Variants in ZCCHC10 observed in about 807,000 individuals in gnomAD.
The protein encoded by ZCCHC10 is zinc finger CCHC-type containing 10, also known as zinc finger CCHC domain-containing protein 10.
ZCCHC10 carries 16 observed loss-of-function variants against 19.5 expected under a neutral mutation model. The observed-to-expected ratio is 0.82, with a 90% CI of 0.56 to 1.25. The LOEUF (loss-of-function observed/expected upper bound fraction) is 1.25. ZCCHC10 is among the 50% of genes most tolerant of loss of function. The pLI is 0.00. For synonymous variants in ZCCHC10, 67 were observed against 72.5 expected, an observed-to-expected ratio of 0.92 and a Z score of 0.38; for missense variants, 197 against 201.0, an observed-to-expected ratio of 0.98 and a Z score of 0.12.
At chr5:133,009,110 C>A (rs1581395763) in intron 2 of ZCCHC10, among the ~76,000 whole-genome samples, 1 of 151,952 alleles carries the variant, frequency 6.6e-6, no homozygotes, top group African/African-American at 2.4e-5. Context: ...TCAAGCAATT[C>A]TCCTGCCTCA....
intron 3 of ZCCHC10, among the ~76,000 whole-genome samples, chr5:133,002,542 G>C (rs1762841061): frequency 6.6e-6 from 1 of 151,952 alleles, no homozygotes; most frequent in South Asian, 2.1e-4. Context: ...CTTTAGGACA[G>C]GGGTCTTCAA....
At chr5:133,014,872 C>T (rs1763816137) in intron 2 of ZCCHC10, among the ~76,000 whole-genome samples, 1 of 152,186 alleles carries the variant, frequency 6.6e-6, no homozygotes, top group Non-Finnish European at 1.5e-5. Context: ...TACCAGGAGA[C>T]AGAGATCATC....
intron 2 of ZCCHC10, among the ~76,000 whole-genome samples, chr5:133,017,230 C>T (rs1763984357): frequency 6.6e-6 from 1 of 152,150 alleles, no homozygotes; most frequent in Non-Finnish European, 1.5e-5. Context: ...GCTCTCCTGA[C>T]CCCACATTCA....
At chr5:133,005,459 A>AAAAATAC (rs1763057503) in intron 3 of ZCCHC10, among the ~76,000 whole-genome samples, 1 of 151,972 alleles carries the variant, frequency 6.6e-6, no homozygotes, top group Non-Finnish European at 1.5e-5. Context: ...CCAAAAATAC[A>AAAAATAC]AAAAATTAGC....
At position 133,012,059 on chromosome 5, in the gene ZCCHC10, C is replaced by G. The variant is rs144610500; in HGVS notation, c.108-5139G>C. On this transcript the variant is annotated intron_variant, in intron 2 of 4. Coordinates refer to ENST00000509437, the MANE Select transcript of ZCCHC10 (RefSeq NM_001300816.3). ...GGCTGAGGCAGGAGAATTGCTCAAA[C>G]CTGGGAGGCAGAGGTTGCAGTGAAC... Among the ~76,000 whole-genome samples, 1,035 of 142,330 alleles carry G rather than the reference C, an allele frequency of 7.3e-3. 13 individuals are homozygous for G. The highest frequency in any genetic ancestry group is 0.016 in the African/African-American group (616 of 38,640). 93.4% of individuals were successfully genotyped at this position (142,330 alleles called of 152,430 possible). A position where few individuals can be genotyped will look rare whatever the true frequency, so the allele number is the denominator to read the frequency against.
chr5:132,997,444 T>G lies in ZCCHC10; in HGVS notation c.*1139A>C, dbSNP rs1359502129. On this transcript the variant is annotated 3_prime_UTR_variant, in exon 5 of 5. Coordinates refer to ENST00000509437, the MANE Select transcript of ZCCHC10 (RefSeq NM_001300816.3). ...GTTAAAAAGACATCACAGAATACTG[T>G]GATGTTAAACCAAAGACTCATCACA... 1.3e-5 allele frequency: 2 copies of G among 152,126 alleles called. No homozygotes were observed. The highest frequency in any genetic ancestry group is 2.9e-5 in the Non-Finnish European group (2 of 67,996). The allele number at this position is 152,126 out of a possible 1,614,324, so 9.4% of individuals were successfully genotyped here. A position where few individuals can be genotyped will look rare whatever the true frequency, so the allele number is the denominator to read the frequency against.
Position 133,000,122 on chromosome 5 carries a change from C to T in ZCCHC10, c.311+10G>A, listed in dbSNP as rs748178752. ...TGTTATCTATAAAACACTGCTAAAA[C>T]CACACATACCTTTTTTTCTTGGCCT... On this transcript the variant is annotated intron_variant, in intron 4 of 4. Transcript: ENST00000509437. 9.3e-6 allele frequency: 15 copies of T among 1,613,482 alleles called. No individual in the cohort carries two copies. Among genetic ancestry groups the T allele is most frequent in the Non-Finnish European group, 1.3e-5 (15 of 1,179,816 alleles).
chr5:132,998,885 G>C (rs199857056), intron 4 of ZCCHC10, 35 bp from the exon 5 acceptor site: 1 of 1,592,108 alleles, frequency 6.3e-7, no homozygotes, highest in Admixed American at 1.8e-5. Flanking sequence ...ACATGGGAAG[G>C]TGACATGTAA....
At chr5:133,022,380 A>G (rs1459093800) in intron 2 of ZCCHC10, among the ~76,000 whole-genome samples, 1 of 152,078 alleles carries the variant, frequency 6.6e-6, no homozygotes, top group Non-Finnish European at 1.5e-5. Flanking sequence ...TAGAATTAAT[A>G]TATGGGATCT....
intron 2 of ZCCHC10, chr5:133,019,008 C>T: frequency 2.3e-6 from 1 of 433,894 alleles, no homozygotes; most frequent in Non-Finnish European, 4.6e-6. Flanking sequence ...GCTTGGGACC[C>T]TAGTCATTAA....
intron 2 of ZCCHC10, among the ~76,000 whole-genome samples, chr5:133,011,624 TAA>T (rs1194165056): frequency 9.6e-4 from 43 of 44,804 alleles, no homozygotes; most frequent in African/African-American, 3.3e-3. Flanking sequence ...AGACTCCATC[TAA>T]AAAAAAAAAA....
chr5:133,007,344 C>G (rs896018002), intron 2 of ZCCHC10, among the ~76,000 whole-genome samples: 3 of 151,954 alleles, frequency 2.0e-5, no homozygotes, highest in Admixed American at 6.6e-5. Flanking sequence ...AGATTGAGAC[C>G]ATCCTGGCTA....
chr5:133,008,224 CAAAAAAAAA>C (rs1226503517), intron 2 of ZCCHC10, among the ~76,000 whole-genome samples: 11 of 68,644 alleles, frequency 1.6e-4, no homozygotes, highest in African/African-American at 6.0e-4. Context: ...GACTCTGTCT[CAAAAAAAAA>C]AAAAAAAAAA....
intron 1 of ZCCHC10, 107 bp downstream of exon 1, chr5:133,026,390 G>A (rs973261805): frequency 1.2e-4 from 174 of 1,476,222 alleles, no homozygotes; most frequent in Admixed American, 3.0e-4. Flanking sequence ...GAGTGTTTGA[G>A]AAACGGACAT....
intron 1 of ZCCHC10, among the ~76,000 whole-genome samples, chr5:133,025,522 A>AG (rs1561563016): frequency 1.0e-4 from 15 of 148,458 alleles, no homozygotes; most frequent in African/African-American, 2.3e-4. Context: ...AAAAAAAAAA[A>AG]AAAAAAAAAA....
chr5:133,020,788 T>A (rs1055045753), intron 2 of ZCCHC10, among the ~76,000 whole-genome samples: 1 of 152,106 alleles, frequency 6.6e-6, no homozygotes, highest in Non-Finnish European at 1.5e-5. Context: ...TGGTGCAATA[T>A]TGGCTCACTG....
chr5:133,020,495 C>A (rs1266292051), intron 2 of ZCCHC10, among the ~76,000 whole-genome samples: 1 of 151,490 alleles, frequency 6.6e-6, no homozygotes, highest in East Asian at 1.9e-4. Flanking sequence ...TAGTGGGTTG[C>A]AGCTGTAGTC....
intron 2 of ZCCHC10, among the ~76,000 whole-genome samples, chr5:133,015,767 C>T (rs1480839591): frequency 6.6e-6 from 1 of 152,122 alleles, no homozygotes; most frequent in Non-Finnish European, 1.5e-5. Context: ...CTCCTCAATT[C>T]CTGACCCAGG....
chr5:133,019,827 C>T (rs984410724), intron 2 of ZCCHC10, among the ~76,000 whole-genome samples: 2 of 151,558 alleles, frequency 1.3e-5, no homozygotes, highest in South Asian at 2.1e-4. Flanking sequence ...GGTGGTGCAT[C>T]TGTAGTCCTA....
Sources: gnomAD v4.1 joint callset for allele counts (sites outside exome capture counted in the v4.1 genomes callset) on GRCh38, gnomAD v4.1.1 for gene constraint, MANE v1.5 for transcripts, NCBI Gene and HGNC (gene_info 2026-07-23, HGNC 2026-07-21) for gene names.